ATG7: variants seen among roughly 807,000 people sequenced by gnomAD.
ATG7 encodes the protein ubiquitin-like modifier-activating enzyme ATG7.
In ATG7, 70 loss-of-function variants were observed where a neutral mutation model predicts 82.4. The ratio of observed to expected loss-of-function variants is 0.85; its 90% CI spans 0.70 to 1.04. ATG7 has a LOEUF of 1.04. Ranked by LOEUF, ATG7 falls within the 50% of genes least tolerant of loss-of-function variation. The pLI is 0.00. For missense variants in ATG7, 792 were observed against 864.3 expected (o/e 0.92, Z 1.05); for synonymous variants, 287 against 313.0 (o/e 0.92, Z 0.88).
chr3:11,458,355 C>G (rs1365672764), intron 20 of ATG7, among the ~76,000 whole-genome samples: 3 of 152,138 alleles, frequency 2.0e-5, no homozygotes, highest in Non-Finnish European at 4.4e-5. Flanking sequence ...GCTCCGCCTC[C>G]TGGGTTCACG....
At chr3:11,352,665 A>G (rs1440567585) in intron 14 of ATG7, among the ~76,000 whole-genome samples, 1 of 152,252 alleles carries the variant, frequency 6.6e-6, no homozygotes, top group African/African-American at 2.4e-5. Context: ...TAAACAAGAC[A>G]TGGTTCTGCC....
chr3:11,375,803 C>A (rs1386662069), intron 18 of ATG7, among the ~76,000 whole-genome samples: 1 of 152,216 alleles, frequency 6.6e-6, no homozygotes. Context: ...TGTGATCCGG[C>A]CGCCTCAGCT....
chr3:11,350,630 A>C (rs527534569), intron 14 of ATG7, among the ~76,000 whole-genome samples: 9 of 152,308 alleles, frequency 5.9e-5, no homozygotes, highest in African/African-American at 2.2e-4. Context: ...GGTACAGTGC[A>C]ATGTCTTCCA....
At chr3:11,465,163 A>T (rs1287877504) in intron 20 of ATG7, among the ~76,000 whole-genome samples, 1 of 151,912 alleles carries the variant, frequency 6.6e-6, no homozygotes, top group Non-Finnish European at 1.5e-5. Flanking sequence ...CTGGTTTATT[A>T]AAATGAGCCT....
chr3:11,513,541 G>A (rs537179188), intron 20 of ATG7, among the ~76,000 whole-genome samples: 6 of 152,322 alleles, frequency 3.9e-5, no homozygotes, highest in African/African-American at 1.2e-4. Context: ...CTCCCAGTGC[G>A]GGGCCTGCCA....
chr3:11,568,664 C>G, the ATG7 span: 2 of 1,558,898 alleles, frequency 1.3e-6, no homozygotes, highest in Admixed American at 3.8e-5. This position sits in a 1 kb window ranked among gnomAD's most constrained non-coding sequence, Gnocchi z 5.9. Context: ...TTCCAGGCCC[C>G]GCTCGCCCGG....
intron 19 of ATG7, among the ~76,000 whole-genome samples, chr3:11,402,848 G>T (rs1016101282): frequency 6.6e-6 from 1 of 151,958 alleles, no homozygotes; most frequent in Non-Finnish European, 1.5e-5. Flanking sequence ...AACAATCGAC[G>T]TCAACAATTA....
At chr3:11,275,698 A>G (rs1220250828) in intron 1 of ATG7, among the ~76,000 whole-genome samples, 4 of 151,964 alleles carry the variant, frequency 2.6e-5, no homozygotes, top group African/African-American at 9.7e-5. Flanking sequence ...CTCCAGTGCG[A>G]TTAAGGCCTG....
At chr3:11,497,376 T>TATATATATATATAC (rs2090926682) in intron 20 of ATG7, among the ~76,000 whole-genome samples, 1 of 119,550 alleles carries the variant, frequency 8.4e-6, no homozygotes, top group African/African-American at 3.1e-5. Flanking sequence ...TATATATATA[T>TATATATATATATAC]ATATATATAT....
rs191851588 is a variant in ATG7, at chr3:11,552,414, G to C, written c.2080-2397G>C. On this transcript the variant is annotated intron_variant, in intron 20 of 20. Coordinates refer to ENST00000693202, the MANE Select transcript of ATG7 (RefSeq NM_001349232.2). ...TCTTCACTAAGAGGACATTCACTGT[G>C]CCCCTTCTCCACACCAGTTGCACTG... Among the ~76,000 whole-genome samples, 13 of 152,234 alleles carry C rather than the reference G, an allele frequency of 8.5e-5. No homozygotes were observed. The East Asian group carries it at 2.3e-3, about 27-fold the overall frequency.
intron 19 of ATG7, among the ~76,000 whole-genome samples, chr3:11,400,488 C>G (rs2079730203): frequency 1.3e-5 from 2 of 152,200 alleles, no homozygotes; most frequent in Non-Finnish European, 2.9e-5. Context: ...ATGATTGTTA[C>G]TTGCAGACTA....
intron 7 of ATG7, among the ~76,000 whole-genome samples, chr3:11,312,026 T>G (rs562179517): frequency 5.3e-5 from 8 of 151,260 alleles, no homozygotes; most frequent in African/African-American, 1.9e-4. Context: ...AGAGGGGGAA[T>G]GGGGAGTCTC....
At chr3:11,380,172 G>A in intron 19 of ATG7, 120 bp downstream of exon 19, 1 of 853,766 alleles carries the variant, frequency 1.2e-6, no homozygotes, top group South Asian at 1.5e-5. Context: ...GGAAGGGTGG[G>A]GTCTAAACCC....
In ATG7 at chr3:11,358,591, C is replaced by G. The variant is rs549818402; in HGVS notation, c.1458C>G (p.Val486=). The stretch of plus-strand genomic sequence containing the variant: ...GGGAGAGCCGGTGGCTTCCTGCCGT[C>G]ATTGCTGCAAGCAAGAGAAAGGTAG... ...DTRESRWLPA[V]IAASKRKLVI... Residue 486 remains valine (V), a synonymous_variant, in exon 15 of 21, where the codon GTC becomes GTG. Coordinates refer to ENST00000693202, the MANE Select transcript of ATG7 (RefSeq NM_001349232.2). 1.9e-6 allele frequency: 3 copies of G among 1,613,462 alleles called. No homozygotes were observed. The highest frequency in any genetic ancestry group is 1.8e-4 in the Middle Eastern group (1 of 5,682).
chr3:11,575,624 G>T, the ATG7 span, among the ~76,000 whole-genome samples: 2 of 152,224 alleles, frequency 1.3e-5, no homozygotes, highest in African/African-American at 4.8e-5. Flanking sequence ...CTTAAAGAAA[G>T]ATCCCAGACA....
chr3:11,466,664 G>GA (rs2086856220), intron 20 of ATG7, among the ~76,000 whole-genome samples: 1 of 152,108 alleles, frequency 6.6e-6, no homozygotes, highest in African/African-American at 2.4e-5. Context: ...GCTCTTTTCG[G>GA]AAAAAGCAGT....
At chr3:11,484,159 C>T (rs1372611215) in intron 20 of ATG7, among the ~76,000 whole-genome samples, 5 of 152,032 alleles carry the variant, frequency 3.3e-5, no homozygotes, top group African/African-American at 4.8e-5. Context: ...TTTGGGAGGC[C>T]GAGGCAGGTG....
At chr3:11,349,440 A>C (rs1351061080) in intron 14 of ATG7, among the ~76,000 whole-genome samples, 1 of 152,114 alleles carries the variant, frequency 6.6e-6, no homozygotes, top group Non-Finnish European at 1.5e-5. Flanking sequence ...TAGTGGCTGA[A>C]ACAAAAGGAT....
In ATG7 at chr3:11,555,750, A is replaced by G. The variant is rs944872665; in HGVS notation, c.*907A>G. 7 of 152,054 alleles carry G rather than the reference A, an allele frequency of 4.6e-5. No homozygotes were observed. Among genetic ancestry groups the G allele is most frequent in the African/African-American group, 7.3e-5 (3 of 41,330 alleles). 9.4% of individuals were successfully genotyped at this position (152,054 alleles called of 1,614,324 possible). A position where few individuals can be genotyped will look rare whatever the true frequency, so the allele number is the denominator to read the frequency against. The stretch of plus-strand genomic sequence containing the variant: ...GGGTGTGTGCAGCTGTGAGGCCCCA[A>G]CCCAGGAGAGGCCATGGCCTAGGTA... On this transcript the variant is annotated 3_prime_UTR_variant, in exon 21 of 21. Coordinates refer to ENST00000693202, the MANE Select transcript of ATG7 (RefSeq NM_001349232.2).
Sources: gnomAD v4.1 joint callset for allele counts (sites outside exome capture counted in the v4.1 genomes callset) on GRCh38, gnomAD v4.1.1 for gene constraint, Gnocchi (gnomAD v3.1) non-coding constraint, MANE v1.5 for transcripts, NCBI Gene and HGNC (gene_info 2026-07-23, HGNC 2026-07-21) for gene names.